EIF4G2: variants seen among roughly 807,000 people sequenced by gnomAD.
EIF4G2 encodes eukaryotic translation initiation factor 4 gamma 2.
Under a neutral mutation model 117.7 loss-of-function variants are expected in EIF4G2, and 8 were observed. That is an observed-to-expected ratio of 0.07 (90% confidence interval 0.04 to 0.12). The LOEUF is 0.12. Ranked by LOEUF, EIF4G2 falls within the 10% of genes least tolerant of loss-of-function variation. The pLI is 1.00. For missense variants in EIF4G2, 812 were observed against 1,086.2 expected (o/e 0.75, Z 3.55); for synonymous variants, 413 against 367.8 (o/e 1.12, Z -1.41).
intron 5 of EIF4G2, 119 bp downstream of exon 5, chr11:10,804,794 A>G (rs2242360): frequency 0.59 from 454,560 of 764,790 alleles, 136,622 homozygotes; most frequent in South Asian, 0.7. Context: ...TCAAAAATAC[A>G]TACCTATCTA....
intron 19 of EIF4G2, 63 bp from the exon 20 acceptor site, chr11:10,799,487 TAG>T: frequency 6.2e-7 from 1 of 1,609,674 alleles, no homozygotes; most frequent in East Asian, 2.2e-5. Flanking sequence ...AGACAACTCT[TAG>T]TCTCCTACGC....
Position 10,802,339 on chromosome 11 carries a change from T to C in EIF4G2, c.1093A>G (p.Arg365Gly). ...TCAGCAAGTCCTCCAAGTGGGTCCC[T>C]ATCCATTTTCATCCTGGGTGGCATG... The change falls in exon 12 of 22, where the codon AGG becomes GGG. Residue 365 changes from arginine to glycine, a missense_variant. Arg to Gly is a moderately radical substitution (Grantham distance 125). Around this residue, in one of 4 missense-constraint regions of EIF4G2, gnomAD observed 571 missense variants for 642.3 expected, o/e 0.89. Transcript: ENST00000339995. 2 of 1,613,966 alleles carry C rather than the reference T, an allele frequency of 1.2e-6. No individual in the cohort carries two copies. The highest frequency in any genetic ancestry group is 1.7e-6 in the Non-Finnish European group (2 of 1,179,952).
chr11:10,807,450 C>T (rs1590046208), intron 1 of EIF4G2, 69 bp from the exon 2 acceptor site: 2 of 1,447,554 alleles, frequency 1.4e-6, no homozygotes, highest in East Asian at 5.0e-5. Context: ...CATTCAATTA[C>T]AACGTATTTC....
intron 1 of EIF4G2, chr11:10,807,622 G>T: frequency 1.8e-6 from 2 of 1,102,284 alleles, no homozygotes; most frequent in Non-Finnish European, 1.1e-6. Context: ...GGCTCAGAAC[G>T]AATCTTTTGA....
At chr11:10,805,497 C>A (rs892326214) in intron 4 of EIF4G2, among the ~76,000 whole-genome samples, 10 of 151,916 alleles carry the variant, frequency 6.6e-5, no homozygotes, top group Non-Finnish European at 1.3e-4. Flanking sequence ...TGCACCCAGG[C>A]TGGAGTGCAG....
At chr11:10,808,378 T>C (rs1388261575) in intron 1 of EIF4G2, 9 of 1,231,994 alleles carry the variant, frequency 7.3e-6, no homozygotes, top group Non-Finnish European at 6.2e-6. Flanking sequence ...GCCACGGCGC[T>C]AGCGGTCCGA....
In EIF4G2 at chr11:10,803,262, G is replaced by A. The variant is rs767201730; in HGVS notation, c.846C>T (p.Cys282=). ...GCAATTCCTTACTTAACATCAAGGAGCACATTCGGGCAAAGTACTGATCCA... is the reference window on the plus strand; with the variant it reads ...GCAATTCCTTACTTAACATCAAGGAACACATTCGGGCAAAGTACTGATCCA... The change falls in exon 10 of 22, where the codon TGC becomes TGT. Residue 282 remains cysteine, a synonymous_variant. Transcript: ENST00000339995. This position sits in a 1 kb window ranked among gnomAD's most constrained non-coding sequence, Gnocchi z 4.0. The A allele has an allele frequency of 1.2e-6, 2 of 1,614,038 alleles. No individual in the cohort carries two copies. The highest frequency in any genetic ancestry group is 2.2e-5 in the East Asian group (1 of 44,884).
At chr11:10,798,330 GAA>G (rs969695876) in intron 21 of EIF4G2, among the ~76,000 whole-genome samples, 1 of 152,118 alleles carries the variant, frequency 6.6e-6, no homozygotes, top group East Asian at 1.9e-4. Flanking sequence ...CATTCAATAA[GAA>G]AAAATCAAAT....
chr11:10,799,277 A>C lies in EIF4G2; in HGVS notation c.2472T>G (p.Val824=), dbSNP rs1322142297. Residue 824 remains valine (V), a synonymous_variant, in exon 20 of 22, where the codon GTT becomes GTG. Transcript: ENST00000339995. ...CATACAGGGCACTGACTTGTAGATC[A>C]ACGTGATCATGAAGAAATTTCTGCA... 6.2e-7 allele frequency: 1 copy of C among 1,614,206 alleles called. No individual in the cohort carries two copies. Among genetic ancestry groups the C allele is most frequent in the African/African-American group, 1.3e-5 (1 of 75,058 alleles).
intron 1 of EIF4G2, chr11:10,807,956 G>A (rs1847635811): frequency 2.0e-6 from 2 of 1,023,122 alleles, no homozygotes; most frequent in Non-Finnish European, 2.3e-6. Flanking sequence ...GGGAACAAAA[G>A]AGCGGAGCAT....
intron 11 of EIF4G2, 47 bp downstream of exon 11, chr11:10,802,983 T>C (rs755241900): frequency 1.5e-5 from 24 of 1,562,344 alleles, no homozygotes; most frequent in Non-Finnish European, 2.1e-5. Context: ...CATTCTATTC[T>C]ACACACACAG....
At chr11:10,805,165 G>A in intron 4 of EIF4G2, 150 bp from the exon 5 acceptor site, 2 of 659,058 alleles carry the variant, frequency 3.0e-6, no homozygotes, top group East Asian at 2.7e-5. Flanking sequence ...CCAAAGGGAT[G>A]CTGAAATAAA....
chr11:10,801,576 TTAA>T (rs779934465), intron 14 of EIF4G2, 82 bp downstream of exon 14: 246 of 1,223,250 alleles, frequency 2.0e-4, no homozygotes, highest in Non-Finnish European at 2.9e-4. Flanking sequence ...TAAAGTCCTC[TTAA>T]TAACGCGTCT....
In EIF4G2 at chr11:10,804,757, G is replaced by A. The variant is rs575516523; in HGVS notation, c.351+156C>T. On this transcript the variant is annotated intron_variant, in intron 5 of 21. Transcript: ENST00000339995. ...CTTCAATCTAATGCTACTAAAGTCA[G>A]TGGTTCTTTTTAATCACCATCAGTA... is the stretch of plus-strand genomic sequence containing the variant. 78 of 650,960 alleles carry A rather than the reference G, an allele frequency of 1.2e-4. No homozygotes were observed. In the African/African-American group the frequency reaches 1.3e-3, roughly 11 times the overall value. 40.3% of individuals were successfully genotyped at this position (650,960 alleles called of 1,614,324 possible).
intron 1 of EIF4G2, 26 bp downstream of exon 1, chr11:10,808,679 T>TCGGCGG (rs1025433775): frequency 1.8e-5 from 4 of 222,936 alleles, no homozygotes; most frequent in South Asian, 5.1e-5. Context: ...AGCGCTCCAC[T>TCGGCGG]CGGCGGCGGC....
chr11:10,806,400 C>T, intron 3 of EIF4G2: 1 of 341,098 alleles, frequency 2.9e-6, no homozygotes, highest in Non-Finnish European at 5.5e-6. Context: ...TGATCTCAAA[C>T]TCTTGGGTTC....
Position 10,807,472 on chromosome 11 carries a change from C to T in EIF4G2, c.-86-91G>A, listed in dbSNP as rs1472216750. 3 of 1,417,600 alleles carry T rather than the reference C, an allele frequency of 2.1e-6. No individual in the cohort carries two copies. The East Asian group carries it at 7.8e-5, about 37-fold the overall frequency. The allele number at this position is 1,417,600 out of a possible 1,614,324, so 87.8% of individuals were successfully genotyped here. A position where few individuals can be genotyped will look rare whatever the true frequency, so the allele number is the denominator to read the frequency against. On this transcript the variant is annotated intron_variant, in intron 1 of 21. Coordinates refer to ENST00000339995, the MANE Select transcript of EIF4G2 (RefSeq NM_001418.4). ...TTACAACGTATTTCAGATCCTGGCACTGTCACTGCATTGCAGATCTGTAAG... is the reference window on the plus strand; with the variant it reads ...TTACAACGTATTTCAGATCCTGGCATTGTCACTGCATTGCAGATCTGTAAG...
intron 11 of EIF4G2, 147 bp downstream of exon 11, chr11:10,802,883 A>T: frequency 1.5e-6 from 1 of 680,206 alleles, no homozygotes; most frequent in Non-Finnish European, 2.3e-6. Flanking sequence ...TAAAAAAATA[A>T]AAGTGGAAGA....
intron 11 of EIF4G2, 66 bp downstream of exon 11, chr11:10,802,964 G>C: frequency 1.4e-6 from 2 of 1,453,770 alleles, no homozygotes; most frequent in Non-Finnish European, 1.9e-6. Context: ...GGTGGGTGAG[G>C]AGGAAACCCA....
Sources: allele counts gnomAD v4.1 joint callset (sites outside exome capture counted in the v4.1 genomes callset), GRCh38; gene constraint gnomAD v4.1.1; regional missense constraint gnomAD v4.1.1; non-coding constraint Gnocchi (gnomAD v3.1); transcripts MANE v1.5; gene names NCBI Gene and HGNC (gene_info 2026-07-23, HGNC 2026-07-21).